The following WDR1 variants were observed in gnomAD, a reference collection of about 807,000 sequenced individuals.
The protein encoded by WDR1 is WD repeat domain 1.
In WDR1, 21 loss-of-function variants were observed where a neutral mutation model predicts 71.9. The observed-to-expected ratio is 0.29, with a 90% CI of 0.21 to 0.42. The LOEUF (loss-of-function observed/expected upper bound fraction) is 0.42, where lower values mean the gene tolerates loss of function less well. Ranked by LOEUF, WDR1 falls within the 10% of genes least tolerant of loss-of-function variation. WDR1 has a pLI of 1.00. For synonymous variants in WDR1, 424 were observed against 347.4 expected, an observed-to-expected ratio of 1.22 and a Z score of -2.45; for missense variants, 696 against 824.5, an observed-to-expected ratio of 0.84 and a Z score of 1.91.
chr4:10,085,757 T>C (rs187622037), intron 8 of WDR1, among the ~76,000 whole-genome samples: 20 of 152,360 alleles, frequency 1.3e-4, no homozygotes, highest in African/African-American at 4.3e-4. Flanking sequence ...CAGCGCTTTT[T>C]AGAGCTCCCA....
chr4:10,116,504 A>T, intron 1 of WDR1, 147 bp downstream of exon 1: 1 of 593,462 alleles, frequency 1.7e-6, no homozygotes, highest in Non-Finnish European at 2.1e-6. Context: ...TGCACCACCG[A>T]GGGCGGCCCC....
At chr4:10,086,226 G>A (rs968849808) in intron 8 of WDR1, among the ~76,000 whole-genome samples, 1 of 152,174 alleles carries the variant, frequency 6.6e-6, no homozygotes, top group Non-Finnish European at 1.5e-5. Context: ...AGCTCCCCCA[G>A]GCAACAACCT....
intron 5 of WDR1, chr4:10,096,511 C>G (rs1712359808): frequency 6.6e-6 from 1 of 152,306 alleles, no homozygotes; most frequent in African/African-American, 2.4e-5. Context: ...ACCTGCCCAG[C>G]CAGGCCCAGC....
chr4:10,099,178 G>C (rs531021814), intron 3 of WDR1, 39 bp from the exon 4 acceptor site: 2 of 946,142 alleles, frequency 2.1e-6, no homozygotes, highest in Admixed American at 2.9e-5. Flanking sequence ...GGGAGGCGGT[G>C]GTGGGGTAAA....
chr4:10,105,876 C>G (rs183228979), intron 2 of WDR1, among the ~76,000 whole-genome samples: 72 of 152,292 alleles, frequency 4.7e-4, no homozygotes, highest in African/African-American at 1.7e-3. Context: ...ACCCAAATAT[C>G]CATCAACAGG....
chr4:10,091,429 C>T (rs969973893), intron 5 of WDR1: 1 of 152,236 alleles, frequency 6.6e-6, no homozygotes, highest in Non-Finnish European at 1.5e-5. Flanking sequence ...TCCAGAGACG[C>T]TTTACCCCCC....
chr4:10,098,961 G>C, intron 4 of WDR1, 31 bp downstream of exon 4: 1 of 1,613,436 alleles, frequency 6.2e-7, no homozygotes, highest in Non-Finnish European at 8.5e-7. Flanking sequence ...CACAGCAACA[G>C]GGCAGGGAGG....
chr4:10,086,859 G>C (rs1199577946), intron 8 of WDR1, among the ~76,000 whole-genome samples: 1 of 152,224 alleles, frequency 6.6e-6, no homozygotes, highest in Non-Finnish European at 1.5e-5. Context: ...ACCTGACTTG[G>C]AGTTCCCAGC....
rs770226499 is a variant in WDR1, at chr4:10,078,937, A to G, written c.1349T>C (p.Val450Ala). The change falls in exon 12 of 15, where the codon GTT becomes GCT. Residue 450 changes from valine to alanine, a missense_variant. By Grantham distance (64) the Val-to-Ala change is moderately conservative (BLOSUM62 0). Coordinates refer to ENST00000499869, the MANE Select transcript of WDR1 (RefSeq NM_017491.5). ...GTCCCCGCCGGGGTGCACTGCCACA[A>G]CTTCGGGCTCGTAGCCGGGGTTGTC... ...SIDNPGYEPE[V>A]VAVHPGGDTV... 2.5e-6 allele frequency: 4 copies of G among 1,612,762 alleles called. No homozygotes were observed. In the South Asian group the frequency reaches 4.4e-5, roughly 18 times the overall value.
At chr4:10,081,985 C>G (rs1237724295) in intron 10 of WDR1, among the ~76,000 whole-genome samples, 1 of 152,240 alleles carries the variant, frequency 6.6e-6, no homozygotes, top group African/African-American at 2.4e-5. Flanking sequence ...TGTCACTCGG[C>G]CAAGTGTGGC....
At chr4:10,103,585 G>A (rs957742241) in intron 3 of WDR1, among the ~76,000 whole-genome samples, 1 of 151,868 alleles carries the variant, frequency 6.6e-6, no homozygotes, top group African/African-American at 2.4e-5. Flanking sequence ...AGCTTGAAAA[G>A]AAAAAAGAAA....
intron 5 of WDR1, among the ~76,000 whole-genome samples, chr4:10,097,472 C>T (rs564732641): frequency 6.6e-6 from 1 of 152,248 alleles, no homozygotes; most frequent in Non-Finnish European, 1.5e-5. Context: ...AGGCACACAT[C>T]ATCCTAGGGC....
chr4:10,080,440 C>T (rs1304745712), intron 11 of WDR1, among the ~76,000 whole-genome samples: 1 of 152,236 alleles, frequency 6.6e-6, no homozygotes, highest in African/African-American at 2.4e-5. Flanking sequence ...CTTTGCACCT[C>T]CCCACCCCCA....
intron 12 of WDR1, 63 bp from the exon 13 acceptor site, chr4:10,077,989 T>C: frequency 1.3e-6 from 2 of 1,487,102 alleles, no homozygotes; most frequent in African/African-American, 1.4e-5. Flanking sequence ...CCATCCTTTG[T>C]GAAGGGGGGG....
At chr4:10,091,751 G>A (rs1425364031) in intron 5 of WDR1, 1 of 152,316 alleles carries the variant, frequency 6.6e-6, no homozygotes, top group Non-Finnish European at 1.5e-5. Flanking sequence ...TTAGCCGATG[G>A]GGTCCACCTC....
At chr4:10,092,872 G>C (rs142164246) in intron 5 of WDR1, 1 of 400,130 alleles carries the variant, frequency 2.5e-6, no homozygotes, top group Non-Finnish European at 4.9e-6. Context: ...GCCAACCAGC[G>C]GGGCTGCAGC....
chr4:10,113,066 A>C (rs1713486140), intron 2 of WDR1, among the ~76,000 whole-genome samples: 1 of 152,236 alleles, frequency 6.6e-6, no homozygotes, highest in Non-Finnish European at 1.5e-5. Context: ...GTATAAACCA[A>C]AGGGAAAGGC....
chr4:10,097,977 G>A lies in WDR1; in HGVS notation c.378-86C>T, dbSNP rs149648154. ...TGGTAAGCAATCTGATAGCTGAGCT[G>A]CCAGTGCACAGAGGATGGAGTGACT... On this transcript the variant is annotated intron_variant, in intron 4 of 14. Transcript: ENST00000499869. 154 of 1,353,096 alleles carry A rather than the reference G, an allele frequency of 1.1e-4. 1 individual carries two copies. In the African/African-American group the frequency reaches 1.9e-3, roughly 17 times the overall value. The allele number at this position is 1,353,096 out of a possible 1,614,324, so 83.8% of individuals were successfully genotyped here.
chr4:10,084,391 T>A, intron 9 of WDR1, 52 bp downstream of exon 9: 2 of 1,551,362 alleles, frequency 1.3e-6, no homozygotes, highest in South Asian at 1.2e-5. Flanking sequence ...GAACAGGAAA[T>A]TCCCCCCTAG....
Sources: allele counts gnomAD v4.1 joint callset (sites outside exome capture counted in the v4.1 genomes callset), GRCh38; gene constraint gnomAD v4.1.1; transcripts MANE v1.5; gene names NCBI Gene and HGNC (gene_info 2026-07-23, HGNC 2026-07-21).